PYGB: variants seen among roughly 807,000 people sequenced by gnomAD.
PYGB encodes the protein glycogen phosphorylase, brain form.
Under a neutral mutation model 94.3 loss-of-function variants are expected in PYGB, and 82 were observed. The ratio of observed to expected loss-of-function variants is 0.87; its 90% CI spans 0.73 to 1.04. The LOEUF is 1.04. PYGB is among the 50% of genes least tolerant of loss of function. The probability of loss-of-function intolerance (pLI) is 0.00; values close to 1 mark genes in which losing one functional copy is unlikely to be tolerated. For missense variants in PYGB, 1,132 were observed against 1,158.2 expected, an observed-to-expected ratio of 0.98 and a Z score of 0.33; for synonymous variants, 488 against 479.1, an observed-to-expected ratio of 1.02 and a Z score of -0.24.
chr20:25,269,372 G>GTT (rs2088246318), intron 3 of PYGB, among the ~76,000 whole-genome samples, 165 bp downstream of exon 3: 1 of 152,198 alleles, frequency 6.6e-6, no homozygotes, highest in Non-Finnish European at 1.5e-5. Flanking sequence ...GGGGGAAAGG[G>GTT]GGAAAATGTA....
intron 13 of PYGB, 39 bp from the exon 14 acceptor site, chr20:25,284,065 G>T (rs1306010441): frequency 3.7e-6 from 6 of 1,607,022 alleles, no homozygotes; most frequent in Non-Finnish European, 4.3e-6. Context: ...ATGGAGTCCT[G>T]GTGAAGTCTC....
Position 25,280,967 on chromosome 20 carries a change from C to A in PYGB, c.1258C>A (p.Pro420Thr). Residue 420 changes from proline (P) to threonine (T), a missense_variant, in exon 11 of 20, where the codon CCC becomes ACC. Pro to Thr is a conservative substitution (Grantham distance 38). Coordinates refer to ENST00000216962, the MANE Select transcript of PYGB (RefSeq NM_002862.4). ...RHLDHVAALF[P>T]GDVDRLRRMS... ...GCACCAGCACGTGGCCGCGCTGTTT[C>A]CCGGCGATGTGGACCGCCTGCGCAG... 3 of 1,614,018 alleles carry A rather than the reference C, an allele frequency of 1.9e-6. No individual in the cohort carries two copies. The highest frequency in any genetic ancestry group is 4.5e-5 in the East Asian group (2 of 44,878).
Position 25,248,112 on chromosome 20 carries a change from C to A in PYGB, c.-67C>A, listed in dbSNP as rs2092875600. On this transcript the variant is annotated 5_prime_UTR_variant, in exon 1 of 20. Transcript: ENST00000216962. ...AGCAGCGGCGCCAGAGCAGCTGCAC[C>A]ATCCCGGCGTTCGCGTGTGCCGCCG... The A allele has an allele frequency of 1.0e-5, 15 of 1,491,060 alleles. No homozygotes were observed. Among genetic ancestry groups the A allele is most frequent in the Non-Finnish European group, 1.2e-5 (14 of 1,122,432 alleles). 92.4% of individuals were successfully genotyped at this position (1,491,060 alleles called of 1,614,324 possible). A position where few individuals can be genotyped will look rare whatever the true frequency, so the allele number is the denominator to read the frequency against.
intron 14 of PYGB, chr20:25,285,702 G>A (rs1255891609): frequency 7.1e-6 from 1 of 141,492 alleles, no homozygotes; most frequent in African/African-American, 2.6e-5. Flanking sequence ...ATGTGTGCTT[G>A]TGTCTGTGCA....
chr20:25,294,923 T>C (rs1568701430), intron 18 of PYGB: 1 of 404,608 alleles, frequency 2.5e-6, no homozygotes, highest in Non-Finnish European at 3.2e-6. Context: ...TTGGGTTAGT[T>C]TTAGTTTTGT....
chr20:25,286,737 G>C (rs565105933), intron 14 of PYGB, among the ~76,000 whole-genome samples: 3 of 152,118 alleles, frequency 2.0e-5, no homozygotes, highest in African/African-American at 7.2e-5. Flanking sequence ...TGGGAGAGGC[G>C]CTTGCCCAAA....
At chr20:25,267,149 C>T (rs1287717245) in intron 2 of PYGB, among the ~76,000 whole-genome samples, 1 of 152,174 alleles carries the variant, frequency 6.6e-6, no homozygotes, top group East Asian at 1.9e-4. Context: ...GAATAGTACA[C>T]AGCAGTACAA....
chr20:25,259,376 C>T (rs778494769), intron 2 of PYGB, 38 bp downstream of exon 2: 7 of 1,496,582 alleles, frequency 4.7e-6, no homozygotes, highest in Middle Eastern at 1.9e-4. Flanking sequence ...GGTGGCCCCT[C>T]GTGGTGCTTT....
chr20:25,283,416 T>A, intron 13 of PYGB, 139 bp downstream of exon 13: 1 of 708,704 alleles, frequency 1.4e-6, no homozygotes, highest in East Asian at 2.8e-5. Context: ...AGAACAGGAC[T>A]GAGGGTGAGG....
At chr20:25,294,890 C>G (rs992675168) in intron 18 of PYGB, 7 of 1,499,542 alleles carry the variant, frequency 4.7e-6, no homozygotes, top group African/African-American at 4.2e-5. Flanking sequence ...GGGAATTCAC[C>G]TGCCCTCCAC....
chr20:25,256,762 C>T (rs913977370), intron 1 of PYGB, among the ~76,000 whole-genome samples: 4 of 152,186 alleles, frequency 2.6e-5, no homozygotes, highest in African/African-American at 9.6e-5. Context: ...CAAGAGGAGC[C>T]AGAGGGGAGT....
At chr20:25,284,441 C>T (rs187527931) in intron 14 of PYGB, among the ~76,000 whole-genome samples, 190 bp downstream of exon 14, 3 of 152,310 alleles carry the variant, frequency 2.0e-5, no homozygotes, top group Admixed American at 6.5e-5. Context: ...CCAGGCCTCA[C>T]GTGAGCAGGT....
intron 1 of PYGB, among the ~76,000 whole-genome samples, chr20:25,253,076 G>T (rs2092892787): frequency 6.6e-6 from 1 of 152,188 alleles, no homozygotes; most frequent in African/African-American, 2.4e-5. Flanking sequence ...AGGGTGTTAG[G>T]AGCACAGGCC....
chr20:25,265,384 C>T (rs558739611), intron 2 of PYGB, among the ~76,000 whole-genome samples: 151 of 152,266 alleles, frequency 9.9e-4, no homozygotes, highest in African/African-American at 3.6e-3. Flanking sequence ...TACATCCTCA[C>T]CAATGCTTCT....
chr20:25,290,363 C>T (rs2258052), intron 15 of PYGB, 118 bp from the exon 16 acceptor site: 202,107 of 1,347,760 alleles, frequency 0.15, 16,425 homozygotes, highest in Non-Finnish European at 0.17. Context: ...CTGACCGTCC[C>T]GACGGCAGGT....
Position 25,296,492 on chromosome 20 carries a change from GATCCCGCCCCCCAAC to G in PYGB, c.2508_2522del (p.Pro837_Pro841del). On this transcript the variant is annotated inframe_deletion, in exon 20 of 20. Transcript: ENST00000216962. Reference sequence around the variant, plus strand: ...GGGGTGTGGAGCCCTCCGACCTGCAGATCCCGCCCCCCAACATCCCCCGGGACTAGGCACACCCTG... The same window carrying G: ...GGGGTGTGGAGCCCTCCGACCTGCAGATCCCCCGGGACTAGGCACACCCTG... 7 of 1,613,776 alleles carry G rather than the reference GATCCCGCCCCCCAAC, an allele frequency of 4.3e-6. 1 individual carries two copies. The highest frequency in any genetic ancestry group is 5.9e-6 in the Non-Finnish European group (7 of 1,179,964).
At position 25,248,413 on chromosome 20, in the gene PYGB, G is replaced by T; in HGVS notation, c.235G>T (p.Asp79Tyr). 1 of 1,529,274 alleles carries T rather than the reference G, an allele frequency of 6.5e-7. No individual in the cohort carries two copies. Among genetic ancestry groups the T allele is most frequent in the East Asian group, 2.7e-5 (1 of 37,460 alleles). 94.7% of individuals were successfully genotyped at this position (1,529,274 alleles called of 1,614,324 possible). ...CACGCAGCAGCACTACTACGAGCGCGACCCCAAGGTGAGGCGCTGCCCCGC... is the reference window on the plus strand; with the variant it reads ...CACGCAGCAGCACTACTACGAGCGCTACCCCAAGGTGAGGCGCTGCCCCGC... ...IRTQQHYYER[D>Y]PKRIYYLSLE... The change falls in exon 1 of 20, where the codon GAC becomes TAC. Residue 79 changes from aspartate (D) to tyrosine (Y), a missense_variant. Coordinates refer to ENST00000216962, the MANE Select transcript of PYGB (RefSeq NM_002862.4).
intron 14 of PYGB, 120 bp from the exon 15 acceptor site, chr20:25,288,305 G>GAAGT: frequency 8.8e-7 from 1 of 1,130,702 alleles, no homozygotes; most frequent in African/African-American, 1.5e-5. Flanking sequence ...TCTGGGGCTT[G>GAAGT]AAGTACATGG....
intron 16 of PYGB, 80 bp from the exon 17 acceptor site, chr20:25,292,326 C>T (rs1000231445): frequency 1.4e-5 from 21 of 1,511,140 alleles, no homozygotes; most frequent in Admixed American, 3.4e-5. Context: ...GTGGATGGGC[C>T]GGCTTGTCCT....
Sources: allele counts gnomAD v4.1 joint callset (sites outside exome capture counted in the v4.1 genomes callset), GRCh38; gene constraint gnomAD v4.1.1; transcripts MANE v1.5; gene names NCBI Gene and HGNC (gene_info 2026-07-23, HGNC 2026-07-21).